Variants in SLC25A53 observed in about 807,000 individuals in gnomAD.
The protein encoded by SLC25A53 is solute carrier family 25 member 53.
In SLC25A53, 5 loss-of-function variants were observed where a neutral mutation model predicts 15.0. The observed-to-expected ratio is 0.33, with a 90% CI of 0.17 to 0.70. The LOEUF is 0.70. Among genes scored for constraint, SLC25A53 ranks in the 30% least tolerant of loss-of-function variants. The probability of loss-of-function intolerance (pLI) is 0.67; values close to 1 mark genes in which losing one functional copy is unlikely to be tolerated. For missense variants in SLC25A53, 216 were observed against 241.6 expected (o/e 0.89, Z 0.70); for synonymous variants, 95 against 100.0 (o/e 0.95, Z 0.30).
chrX:104,116,113 G>C (rs1425365068), intron 1 of SLC25A53, among the ~76,000 whole-genome samples: 1 of 108,651 alleles, frequency 9.2e-6, no homozygotes, highest in Non-Finnish European at 1.9e-5. Flanking sequence ...ACATCAGATG[G>C]GGAACGGGGG....
chrX:104,145,047 C>T (rs919120349), intron 1 of SLC25A53, among the ~76,000 whole-genome samples: 1 of 111,908 alleles, frequency 8.9e-6, no homozygotes, highest in Non-Finnish European at 1.9e-5. Flanking sequence ...CTAAGATTGA[C>T]CACATAGTTG....
intron 1 of SLC25A53, among the ~76,000 whole-genome samples, chrX:104,147,800 A>C (rs1165733031): frequency 1.6e-4 from 18 of 110,195 alleles, no homozygotes; most frequent in Non-Finnish European, 3.2e-4. Context: ...GTCAGGAAAC[A>C]ACAGGTGCTG....
chrX:104,122,398 C>G (rs2075397993), intron 1 of SLC25A53, among the ~76,000 whole-genome samples: 1 of 104,238 alleles, frequency 9.6e-6, no homozygotes, highest in Non-Finnish European at 1.9e-5. Flanking sequence ...GGTGCAGACA[C>G]TTCTCTGAAG....
intron 1 of SLC25A53, among the ~76,000 whole-genome samples, chrX:104,150,970 G>A (rs2075483209): frequency 9.0e-6 from 1 of 111,593 alleles, no homozygotes; most frequent in African/African-American, 3.3e-5. Flanking sequence ...CTCGTTCCTA[G>A]CAGAGGTCAC....
chrX:104,134,665 A>G (rs939991500), intron 1 of SLC25A53, among the ~76,000 whole-genome samples: 6 of 111,632 alleles, frequency 5.4e-5, no homozygotes, highest in Non-Finnish European at 1.1e-4. Flanking sequence ...ACAGTGCTCA[A>G]TGAGTGTTAA....
chrX:104,151,588 T>C (rs1308292390), intron 1 of SLC25A53, among the ~76,000 whole-genome samples: 1 of 111,379 alleles, frequency 9.0e-6, no homozygotes, highest in Non-Finnish European at 1.9e-5. Context: ...GAGACACATA[T>C]TGATTTAAAG....
chrX:104,104,908 C>T lies in SLC25A53; in HGVS notation c.350G>A (p.Arg117His), dbSNP rs1420262438. The change falls in exon 2 of 2, where the codon CGC (arginine) becomes CAC (histidine). Residue 117 changes from arginine (R) to histidine (H), a missense_variant. Transcript: ENST00000594199. The stretch of plus-strand genomic sequence containing the variant: ...GCCAGACATGAGCCCGGCAGCCCAG[C>T]GGTGTCCCAGGGTGTGTGGCCCAAC... ...SPVGPHTLGH[R>H]WAAGLMSGVV... is the part of the protein sequence containing the mutation. 5.0e-6 allele frequency: 6 copies of T among 1,209,837 alleles called. No individual in the cohort carries two copies. The highest frequency in any genetic ancestry group is 2.2e-5 in the Admixed American group (1 of 45,743).
At chrX:104,146,812 C>G (rs1240426381) in intron 1 of SLC25A53, among the ~76,000 whole-genome samples, 4 of 110,334 alleles carry the variant, frequency 3.6e-5, no homozygotes, top group African/African-American at 6.6e-5. Flanking sequence ...AGGATACAAA[C>G]AAATGGAAGA....
intron 1 of SLC25A53, among the ~76,000 whole-genome samples, chrX:104,120,032 C>T (rs1454464022): frequency 1.8e-5 from 2 of 111,878 alleles, no homozygotes; most frequent in African/African-American, 6.5e-5. Flanking sequence ...TGAGATTCAA[C>T]CTGGTTGCAT....
At chrX:104,130,442 G>A (rs1319586745) in intron 1 of SLC25A53, among the ~76,000 whole-genome samples, 1 of 111,550 alleles carries the variant, frequency 9.0e-6, no homozygotes, top group African/African-American at 3.3e-5. Context: ...GCAATCCAGA[G>A]AAAGGGCTTC....
intron 1 of SLC25A53, chrX:104,115,430 C>A: frequency 1.2e-6 from 1 of 817,736 alleles, no homozygotes; most frequent in Non-Finnish European, 1.7e-6. Context: ...ATCCACAAAG[C>A]AGTTTTCCTT....
At chrX:104,118,064 C>T (rs2075383287) in intron 1 of SLC25A53, among the ~76,000 whole-genome samples, 1 of 112,232 alleles carries the variant, frequency 8.9e-6, no homozygotes. Flanking sequence ...CATTTTGTGT[C>T]ACACTGGCTT....
chrX:104,107,671 T>C (rs138481863), intron 1 of SLC25A53, among the ~76,000 whole-genome samples: 49 of 112,179 alleles, frequency 4.4e-4, no homozygotes, highest in Non-Finnish European at 7.9e-4. Flanking sequence ...CTCCCTACCA[T>C]TTATAAACAT....
intron 1 of SLC25A53, among the ~76,000 whole-genome samples, chrX:104,120,103 G>T (rs1262177586): frequency 2.7e-5 from 3 of 111,997 alleles, no homozygotes; most frequent in African/African-American, 9.7e-5. Context: ...GACTTTACAA[G>T]AAATTATCCT....
Position 104,104,262 on chromosome X carries a change from A to T in SLC25A53, c.*72T>A. ...ATGGCTGTATTAGGCAACCTAGCCAAAGAAGTAAGCTATATAGAACCAACC... is the reference window on the plus strand; with the variant it reads ...ATGGCTGTATTAGGCAACCTAGCCATAGAAGTAAGCTATATAGAACCAACC... On this transcript the variant is annotated 3_prime_UTR_variant, in exon 2 of 2. Coordinates refer to ENST00000594199, the MANE Select transcript of SLC25A53 (RefSeq NM_001012755.5). The T allele has an allele frequency of 9.6e-7, 1 of 1,040,184 alleles. No individual in the cohort carries two copies. The highest frequency in any genetic ancestry group is 1.3e-6 in the Non-Finnish European group (1 of 763,520). The allele number at this position is 1,040,184 out of a possible 1,213,427, so 85.7% of individuals were successfully genotyped here. A position where few individuals can be genotyped will look rare whatever the true frequency, so the allele number is the denominator to read the frequency against.
At chrX:104,111,633 C>G in intron 1 of SLC25A53, among the ~76,000 whole-genome samples, 1 of 111,371 alleles carries the variant, frequency 9.0e-6, no homozygotes, top group Non-Finnish European at 1.9e-5. Context: ...CCTCCTCACC[C>G]CCTCCCTCAG....
intron 1 of SLC25A53, among the ~76,000 whole-genome samples, chrX:104,147,933 C>T (rs1159334282): frequency 9.0e-6 from 1 of 111,437 alleles, no homozygotes; most frequent in East Asian, 2.8e-4. Flanking sequence ...CCATTTGACC[C>T]AGCCATCTCA....
At chrX:104,156,066 AAAAG>A (rs1263377539) in intron 1 of SLC25A53, among the ~76,000 whole-genome samples, 14 of 105,838 alleles carry the variant, frequency 1.3e-4, no homozygotes, top group African/African-American at 3.3e-4. Flanking sequence ...AAAAAAAAAA[AAAAG>A]AAAGAAAGAA....
Position 104,104,222 on chromosome X carries a change from T to C in SLC25A53, c.*112A>G. 10 of 679,170 alleles carry C rather than the reference T, an allele frequency of 1.5e-5. No homozygotes were observed. The highest frequency in any genetic ancestry group is 2.2e-5 in the Non-Finnish European group (10 of 451,560). 56.0% of individuals were successfully genotyped at this position (679,170 alleles called of 1,213,427 possible). A position where few individuals can be genotyped will look rare whatever the true frequency, so the allele number is the denominator to read the frequency against. On this transcript the variant is annotated 3_prime_UTR_variant, in exon 2 of 2. Transcript: ENST00000594199. ...GGGAACTTCTCCCATGCAATGAGTT[T>C]ATAGATGCTAAAGGATGGCTGTATT...
Sources: gnomAD v4.1 joint callset for allele counts (sites outside exome capture counted in the v4.1 genomes callset) on GRCh38, gnomAD v4.1.1 for gene constraint, MANE v1.5 for transcripts, NCBI Gene and HGNC (gene_info 2026-07-23, HGNC 2026-07-21) for gene names.